The following TRPM7 variants were observed in gnomAD, a reference collection of about 807,000 sequenced individuals.
TRPM7 encodes the protein transient receptor potential cation channel subfamily M member 7, also known as LTRPC ion channel family member 7.
In TRPM7, 134 loss-of-function variants were observed where a neutral mutation model predicts 229.7. The ratio of observed to expected loss-of-function variants is 0.58; its 90% CI spans 0.51 to 0.67. The LOEUF (loss-of-function observed/expected upper bound fraction) is 0.67. TRPM7 is among the 30% of genes least tolerant of loss of function. TRPM7 has a pLI of 0.00. For missense variants in TRPM7, 1,901 were observed against 2,210.0 expected (o/e 0.86, Z 2.80); for synonymous variants, 699 against 715.2 (o/e 0.98, Z 0.36).
intron 3 of TRPM7, among the ~76,000 whole-genome samples, chr15:50,655,428 A>G (rs1280527361): frequency 7.0e-6 from 1 of 143,280 alleles, no homozygotes; most frequent in Admixed American, 7.6e-5. Context: ...CCAAGACTCC[A>G]TCTCAAAGGA....
intron 13 of TRPM7, 34 bp from the exon 14 acceptor site, chr15:50,614,297 A>C: frequency 6.4e-7 from 1 of 1,557,200 alleles, no homozygotes; most frequent in East Asian, 2.2e-5. Context: ...AATAGATCAG[A>C]TAGCACTTCT....
chr15:50,607,030 C>G lies in TRPM7; in HGVS notation c.2709+170G>C, dbSNP rs1458010254. ...CAAAGTATACAGCATACTCACTAATCTCTATTCTTTTGCCATTATTTTGGG... is the reference window on the plus strand; with the variant it reads ...CAAAGTATACAGCATACTCACTAATGTCTATTCTTTTGCCATTATTTTGGG... On this transcript the variant is annotated intron_variant, in intron 20 of 38. Transcript: ENST00000646667. Among the ~76,000 whole-genome samples, 6 of 151,208 alleles carry G rather than the reference C, an allele frequency of 4.0e-5. No homozygotes were observed. The East Asian group carries it at 1.2e-3, about 29-fold the overall frequency.
At chr15:50,583,999 C>A (rs2054560321) in intron 28 of TRPM7, among the ~76,000 whole-genome samples, 1 of 152,176 alleles carries the variant, frequency 6.6e-6, no homozygotes, top group South Asian at 2.1e-4. Flanking sequence ...TGATCTGTTT[C>A]CAATCTCTTC....
At chr15:50,576,108 C>G (rs1284708427) in intron 31 of TRPM7, among the ~76,000 whole-genome samples, 189 bp from the exon 32 acceptor site, 1 of 152,200 alleles carries the variant, frequency 6.6e-6, no homozygotes, top group Non-Finnish European at 1.5e-5. Flanking sequence ...AGATTAGTGA[C>G]AGCTGTGCAT....
chr15:50,623,487 G>GCCCCC (rs570868762), intron 12 of TRPM7, among the ~76,000 whole-genome samples: 3 of 113,154 alleles, frequency 2.7e-5, no homozygotes, highest in African/African-American at 9.7e-5. Context: ...TTGCTGCCCC[G>GCCCCC]CCCCCTCCCC....
At chr15:50,685,035 T>A (rs1270349058) in intron 1 of TRPM7, among the ~76,000 whole-genome samples, 1 of 152,250 alleles carries the variant, frequency 6.6e-6, no homozygotes, top group East Asian at 1.9e-4. Context: ...ATAAATGACA[T>A]TTGTCTGGGA....
intron 1 of TRPM7, among the ~76,000 whole-genome samples, chr15:50,670,804 GAAAAAGA>G (rs2061970089): frequency 1.3e-5 from 1 of 75,976 alleles, no homozygotes; most frequent in African/African-American, 5.2e-5. Context: ...GTAAAAAAAA[GAAAAAGA>G]AAAAAAAAAA....
intron 1 of TRPM7, among the ~76,000 whole-genome samples, chr15:50,683,411 C>T (rs762185845): frequency 5.9e-5 from 9 of 151,612 alleles, no homozygotes; most frequent in African/African-American, 2.2e-4. Flanking sequence ...TCAGACAACA[C>T]GAATCCACTG....
In TRPM7 at chr15:50,607,317, T is replaced by C. The variant is rs771427848; in HGVS notation, c.2592A>G (p.Leu864=). The change falls in exon 20 of 39, where the codon TTA becomes TTG. Residue 864 remains leucine (L), a synonymous_variant. Coordinates refer to ENST00000646667, the MANE Select transcript of TRPM7 (RefSeq NM_017672.6). Reference sequence around the variant, plus strand: ...CAAATGTATAAAGCATCAGAAATCCTAAATATGCCAACTAATGAAAAAGTA... The same window carrying C: ...CAAATGTATAAAGCATCAGAAATCCCAAATATGCCAACTAATGAAAAAGTA... ...VKFWFNTLAY[L]GFLMLYTFVV... The C allele has an allele frequency of 5.9e-5, 93 of 1,574,282 alleles. 2 individuals are homozygous for C. In the South Asian group the frequency reaches 1.1e-3, roughly 19 times the overall value.
rs34112972 is a variant in TRPM7 at position 50,594,463 on chromosome 15, C to T, written c.3441G>A (p.Lys1147=). Residue 1147 remains lysine (K), a synonymous_variant, in exon 24 of 39, where the codon AAG becomes AAA. Coordinates refer to ENST00000646667, the MANE Select transcript of TRPM7 (RefSeq NM_017672.6). ...HIVSLFCCIC[K]RRKKDKTSDG... Reference sequence around the variant, plus strand: ...CGGAAGTCTTATCTTTCTTTCTTCTCTTACATATGCAGCAAAACAGAGAAA... The same window carrying T: ...CGGAAGTCTTATCTTTCTTTCTTCTTTTACATATGCAGCAAAACAGAGAAA... The T allele has an allele frequency of 6.2e-7, 1 of 1,612,154 alleles. No homozygotes were observed. Among genetic ancestry groups the T allele is most frequent in the African/African-American group, 1.3e-5 (1 of 74,938 alleles).
intron 10 of TRPM7, among the ~76,000 whole-genome samples, chr15:50,630,664 T>G (rs2140648968): frequency 6.6e-6 from 1 of 152,244 alleles, no homozygotes; most frequent in Admixed American, 6.5e-5. Context: ...ATTTTTCAGC[T>G]GATTAAGAAA....
intron 3 of TRPM7, among the ~76,000 whole-genome samples, chr15:50,654,919 T>A (rs570138667): frequency 6.8e-6 from 1 of 145,998 alleles, no homozygotes; most frequent in South Asian, 2.1e-4. Context: ...GAGAATGGCA[T>A]GAACCCAGGA....
At chr15:50,582,806 A>T (rs1397585494) in intron 29 of TRPM7, among the ~76,000 whole-genome samples, 1 of 152,142 alleles carries the variant, frequency 6.6e-6, no homozygotes, top group Non-Finnish European at 1.5e-5. Context: ...GAATTTGCAA[A>T]ATCAATCATT....
rs754068084 is a variant in TRPM7, at chr15:50,614,201, G to A, written c.1557C>T (p.Leu519=). ...AGGTGCATCTGTAGGTTCCTCCCAT[G>A]AGATATTCAATAACAAGTCCTATAT... ...LIDIGLVIEY[L]MGGTYRCTYT... Residue 519 remains leucine (L), a synonymous_variant, in exon 14 of 39, where the codon CTC becomes CTT. Transcript: ENST00000646667. 8 of 1,612,760 alleles carry A rather than the reference G, an allele frequency of 5.0e-6. No individual in the cohort carries two copies. The Admixed American group carries it at 1.2e-4, about 24-fold the overall frequency.
chr15:50,635,453 G>A (rs868274046), intron 7 of TRPM7, among the ~76,000 whole-genome samples: 1 of 151,680 alleles, frequency 6.6e-6, no homozygotes, highest in Middle Eastern at 3.4e-3. Flanking sequence ...CACGAGGTCA[G>A]GAGATCGAGA....
At chr15:50,577,135 G>T (rs2054172646) in intron 31 of TRPM7, among the ~76,000 whole-genome samples, 1 of 151,372 alleles carries the variant, frequency 6.6e-6, no homozygotes, top group African/African-American at 2.4e-5. Flanking sequence ...GGGAGGCGTG[G>T]AATTAAGAGC....
At chr15:50,578,587 G>T in intron 31 of TRPM7, 52 bp downstream of exon 31, 1 of 1,559,528 alleles carries the variant, frequency 6.4e-7, no homozygotes, top group Non-Finnish European at 8.8e-7. Flanking sequence ...TGCTGTAACA[G>T]ATCATGTAAG....
intron 13 of TRPM7, among the ~76,000 whole-genome samples, chr15:50,617,055 C>T (rs2060240718): frequency 6.6e-6 from 1 of 151,368 alleles, no homozygotes. Flanking sequence ...ATTTGGGAGG[C>T]GAGGTGGGTG....
chr15:50,677,926 G>T (rs1329932599), intron 1 of TRPM7, among the ~76,000 whole-genome samples: 1 of 151,546 alleles, frequency 6.6e-6, no homozygotes, highest in Admixed American at 6.6e-5. Flanking sequence ...CTCAAGAAAA[G>T]AAAGTTAAAT....
Sources: gnomAD v4.1 joint callset for allele counts (sites outside exome capture counted in the v4.1 genomes callset) on GRCh38, gnomAD v4.1.1 for gene constraint, MANE v1.5 for transcripts, NCBI Gene and HGNC (gene_info 2026-07-23, HGNC 2026-07-21) for gene names.